Variants in SCYL1 observed in about 807,000 individuals in gnomAD.
SCYL1 encodes SCY1 like pseudokinase 1, also known as N-terminal kinase-like protein.
A neutral mutation model predicts 94.8 loss-of-function variants in SCYL1; 85 were observed. That is an observed-to-expected ratio of 0.90 (90% CI 0.75 to 1.07). The LOEUF (loss-of-function observed/expected upper bound fraction) is 1.07. Among genes scored for constraint, SCYL1 ranks in the 50% least tolerant of loss-of-function variants. SCYL1 has a pLI of 0.00. For missense variants in SCYL1, 968 were observed against 1,083.3 expected, an observed-to-expected ratio of 0.89 and a Z score of 1.49; for synonymous variants, 459 against 435.5, an observed-to-expected ratio of 1.05 and a Z score of -0.67.
At position 65,536,240 on chromosome 11, in the gene SCYL1, C is replaced by G; in HGVS notation, c.1576-19C>G. 6.2e-7 allele frequency: 1 copy of G among 1,612,350 alleles called. No individual in the cohort carries two copies. The highest frequency in any genetic ancestry group is 8.5e-7 in the Non-Finnish European group (1 of 1,178,536). ...CTTGGGAACCCCAGAGACCCCAGCT[C>G]TGCCTCGTTACCCCACAGGCCTTCA... On this transcript the variant is annotated intron_variant, in intron 11 of 17. Coordinates refer to ENST00000270176, the MANE Select transcript of SCYL1 (RefSeq NM_020680.4).
In SCYL1 at chr11:65,538,098, G is replaced by A. The variant is rs1472950846; in HGVS notation, c.2163G>A (p.Leu721=). 1.9e-6 allele frequency: 3 copies of A among 1,604,906 alleles called. No individual in the cohort carries two copies. The highest frequency in any genetic ancestry group is 1.3e-5 in the African/African-American group (1 of 74,848). Residue 721 remains leucine, a synonymous_variant, in exon 16 of 18, where the codon CTG becomes CTA. Coordinates refer to ENST00000270176, the MANE Select transcript of SCYL1 (RefSeq NM_020680.4). The part of the protein sequence containing the change: ...SQEPPPDGTR[L]ASEYNWGGPE... ...AGCCACCTCCTGACGGTACACGGCTGGCCAGCGAGTATAACTGGGGTGGCC... is the reference window on the plus strand; with the variant it reads ...AGCCACCTCCTGACGGTACACGGCTAGCCAGCGAGTATAACTGGGGTGGCC...
At position 65,526,336 on chromosome 11, in the gene SCYL1, G is replaced by A. The variant is rs1221393095; in HGVS notation, c.588G>A (p.Val196=). Residue 196 remains valine (V), a synonymous_variant, in exon 4 of 18, where the codon GTG becomes GTA. Coordinates refer to ENST00000270176, the MANE Select transcript of SCYL1 (RefSeq NM_020680.4). This position sits in a 1 kb window ranked among gnomAD's most constrained non-coding sequence, Gnocchi z 4.1. ...AGTTGGCTGACAGCAGTGGCAGAGT[G>A]GTCAGAGAGAAGTGGTGGGTGACTG... ...PPELADSSGR[V]VREKWSADMW... The A allele has an allele frequency of 1.2e-6, 2 of 1,602,006 alleles. No individual in the cohort carries two copies. The highest frequency in any genetic ancestry group is 1.7e-6 in the Non-Finnish European group (2 of 1,172,036).
chr11:65,538,646 G>GGCCC lies in SCYL1; in HGVS notation c.*81_*84dup, dbSNP rs1855865101. 129 of 1,453,234 alleles carry GGCCC rather than the reference G, an allele frequency of 8.9e-5. 1 individual carries two copies. The East Asian group carries it at 3.0e-3, about 34-fold the overall frequency. 90.0% of individuals were successfully genotyped at this position (1,453,234 alleles called of 1,614,324 possible). On this transcript the variant is annotated 3_prime_UTR_variant, in exon 18 of 18. Coordinates refer to ENST00000270176, the MANE Select transcript of SCYL1 (RefSeq NM_020680.4). ...TTGTACAAACCATGTGAGCCCGGCC[G>GGCCC]GCCCAGCCAGGCCATCTCACGTGTA... is the stretch of plus-strand genomic sequence containing the variant.
In SCYL1 at chr11:65,527,059, C is replaced by G; in HGVS notation, c.791C>G (p.Pro264Arg). 1 of 1,613,654 alleles carries G rather than the reference C, an allele frequency of 6.2e-7. No homozygotes were observed. Among genetic ancestry groups the G allele is most frequent in the Non-Finnish European group, 8.5e-7 (1 of 1,180,014 alleles). Residue 264 changes from proline to arginine, a missense_variant, in exon 6 of 18, where the codon CCT becomes CGT. Physicochemically the swap from Pro to Arg is moderately radical, Grantham distance 103 (BLOSUM62 -2). Transcript: ENST00000270176. ...PARFLQNCRA[P>R]GGFMSNRFVE... is the part of the protein sequence containing the mutation. ...CGCTTCCTGCAGAACTGCCGGGCAC[C>G]TGGTGGCTTCATGAGCAACCGCTTT...
At chr11:65,532,992 G>C (rs1015407267) in intron 9 of SCYL1, 187 bp downstream of exon 9, 2 of 579,524 alleles carry the variant, frequency 3.5e-6, no homozygotes, top group Non-Finnish European at 6.3e-6. Context: ...AGCAGACAAC[G>C]AGCATCTGCC....
At chr11:65,530,887 C>T in intron 7 of SCYL1, 100 bp downstream of exon 7, 1 of 1,349,302 alleles carries the variant, frequency 7.4e-7, no homozygotes, top group Non-Finnish European at 1.0e-6. Context: ...AGACCCAAGC[C>T]CATATGAGCA....
intron 6 of SCYL1, among the ~76,000 whole-genome samples, chr11:65,528,774 A>G (rs569936668): frequency 1.3e-5 from 2 of 152,282 alleles, no homozygotes; most frequent in East Asian, 3.9e-4. Context: ...AAAAAAAGAA[A>G]AGAAAAATCC....
intron 14 of SCYL1, 107 bp from the exon 15 acceptor site, chr11:65,537,702 A>G: frequency 1.1e-6 from 1 of 944,840 alleles, no homozygotes; most frequent in South Asian, 1.7e-5. Context: ...GCAAATGAGG[A>G]GGAAGGCAAA....
chr11:65,531,620 C>T lies in SCYL1; in HGVS notation c.1053C>T (p.Ile351=), dbSNP rs777251592. Residue 351 remains isoleucine, a synonymous_variant, in exon 8 of 18, where the codon ATC becomes ATT. Coordinates refer to ENST00000270176, the MANE Select transcript of SCYL1 (RefSeq NM_020680.4). ...CTGAGGAGTATCAGCAGAAGATCAT[C>T]CCTGTGGTGGTCAAGATGTTCTCAT... ...LSAEEYQQKI[I]PVVVKMFSST... 8.1e-6 allele frequency: 13 copies of T among 1,614,160 alleles called. No individual in the cohort carries two copies. Among genetic ancestry groups the T allele is most frequent in the South Asian group, 2.2e-5 (2 of 91,090 alleles).
intron 1 of SCYL1, 99 bp downstream of exon 1, chr11:65,525,363 G>C (rs1036874946): frequency 2.7e-6 from 3 of 1,108,386 alleles, no homozygotes; most frequent in Non-Finnish European, 3.7e-6. Flanking sequence ...CGTGGCGGCG[G>C]AACCAAGGGG....
chr11:65,531,584 G>A lies in SCYL1; in HGVS notation c.1017G>A (p.Lys339=), dbSNP rs749180760. Residue 339 remains lysine (K), a synonymous_variant, in exon 8 of 18, where the codon AAG becomes AAA. Transcript: ENST00000270176. The part of the protein sequence containing the change: ...VVLTPLFKVG[K]FLSAEEYQQK... ...TCTTCCTGCCCTTTCAGGTGGGCAA[G>A]TTCCTGAGCGCTGAGGAGTATCAGC... The A allele has an allele frequency of 3.7e-6, 6 of 1,613,720 alleles. No individual in the cohort carries two copies. In the African/African-American group the frequency reaches 8.0e-5, roughly 22 times the overall value.
At chr11:65,532,128 A>G (rs529298095) in intron 8 of SCYL1, among the ~76,000 whole-genome samples, 1 of 152,252 alleles carries the variant, frequency 6.6e-6, no homozygotes, top group East Asian at 1.9e-4. Context: ...ACCCTCATTT[A>G]TAGAAGAGGC....
At position 65,538,021 on chromosome 11, in the gene SCYL1, T is replaced by C; in HGVS notation, c.2086T>C (p.Trp696Arg). ...ATCCCCAGAGTCCGACTGGAGCAGC[T>C]GGGAAGCTGAGGGCTCCTGGGAACA... The part of the protein sequence containing the change: ...SKSPESDWSS[W>R]EAEGSWEQGW... Residue 696 changes from tryptophan (W) to arginine (R), a missense_variant, in exon 16 of 18, where the codon TGG (tryptophan) becomes CGG (arginine). This residue lies in a region of SCYL1 where 474 missense variants were observed against 463.6 expected (regional missense o/e 1.02). Transcript: ENST00000270176. 1 of 1,612,900 alleles carries C rather than the reference T, an allele frequency of 6.2e-7. No homozygotes were observed. The highest frequency in any genetic ancestry group is 8.5e-7 in the Non-Finnish European group (1 of 1,179,516).
At chr11:65,536,556 T>C (rs1229790818) in intron 12 of SCYL1, 30 bp from the exon 13 acceptor site, 1 of 1,612,748 alleles carries the variant, frequency 6.2e-7, no homozygotes, top group Non-Finnish European at 8.5e-7. Flanking sequence ...GACGTGCCCA[T>C]ACCCACCTCT....
In SCYL1 at chr11:65,536,202, G is replaced by A; in HGVS notation, c.1576-57G>A. ...CTGTAGGGGATGTCAGCCCCTAGCT[G>A]GCCTGGTAGGTTCTTGGGAACCCCA... On this transcript the variant is annotated intron_variant, in intron 11 of 17. Coordinates refer to ENST00000270176, the MANE Select transcript of SCYL1 (RefSeq NM_020680.4). 4 of 1,606,142 alleles carry A rather than the reference G, an allele frequency of 2.5e-6. No individual in the cohort carries two copies. In the South Asian group the frequency reaches 4.4e-5, roughly 18 times the overall value.
rs752102896 is a variant in SCYL1, at chr11:65,536,695, G to A, written c.1761G>A (p.Ser587=). 8.1e-6 allele frequency: 13 copies of A among 1,612,618 alleles called. No homozygotes were observed. Among genetic ancestry groups the A allele is most frequent in the East Asian group, 2.2e-5 (1 of 44,830 alleles). Residue 587 remains serine (S), a synonymous_variant, in exon 13 of 18, where the codon TCG becomes TCA. Transcript: ENST00000270176. ...VSSLTSKLIR[S]HPTTAPTETN... ...CACTCACCTCCAAGCTGATCCGTTC[G>A]CACCCAACCACTGCCCCAACAGAAA...
intron 6 of SCYL1, among the ~76,000 whole-genome samples, chr11:65,529,621 C>G (rs1338099518): frequency 1.3e-5 from 2 of 152,224 alleles, no homozygotes; most frequent in Non-Finnish European, 2.9e-5. Context: ...CAGAGGTCGC[C>G]TCTCCCCGGC....
rs1855577383 is a variant in SCYL1 at position 65,535,286 on chromosome 11, G to A, written c.1290G>A (p.Lys430=). 2 of 1,614,242 alleles carry A rather than the reference G, an allele frequency of 1.2e-6. No homozygotes were observed. The highest frequency in any genetic ancestry group is 1.7e-6 in the Non-Finnish European group (2 of 1,180,032). The change falls in exon 10 of 18, where the codon AAG becomes AAA. Residue 430 remains lysine, a synonymous_variant. Transcript: ENST00000270176. ...CCAACCTCAATGTGGAGCTGATGAA[G>A]CACTTTGCACGGCTACAGGCCAAGG... ...NEANLNVELM[K]HFARLQAKDE...
intron 9 of SCYL1, chr11:65,533,280 G>C (rs1208096470): frequency 6.1e-6 from 1 of 163,486 alleles, no homozygotes; most frequent in Non-Finnish European, 1.3e-5. Context: ...AAACCATCTG[G>C]GGATGGTGGC....
Sources: allele counts gnomAD v4.1 joint callset (sites outside exome capture counted in the v4.1 genomes callset), GRCh38; gene constraint gnomAD v4.1.1; regional missense constraint gnomAD v4.1.1; non-coding constraint Gnocchi (gnomAD v3.1); transcripts MANE v1.5; gene names NCBI Gene and HGNC (gene_info 2026-07-23, HGNC 2026-07-21).